Variants in ACAP3 observed in about 807,000 individuals in gnomAD.
ACAP3 encodes the protein arf-GAP with coiled-coil, ANK repeat and PH domain-containing protein 3.
In ACAP3, 56 loss-of-function variants were observed where a neutral mutation model predicts 104.1. That is an observed-to-expected ratio of 0.54 (90% CI 0.43 to 0.67). The LOEUF is 0.67. Ranked by LOEUF, ACAP3 falls within the 30% of genes least tolerant of loss-of-function variation. The pLI is 0.00. For missense variants in ACAP3, 1,208 were observed against 1,174.9 expected (o/e 1.03, Z -0.41); for synonymous variants, 628 against 496.2 (o/e 1.27, Z -3.53).
intron 4 of ACAP3, 55 bp from the exon 5 acceptor site, chr1:1,302,101 T>G: frequency 7.2e-7 from 1 of 1,393,094 alleles, no homozygotes; most frequent in South Asian, 1.7e-5. Flanking sequence ...GAGCCCCAGA[T>G]GGAAGGCCCC....
chr1:1,302,076 G>C (rs1404110071), intron 4 of ACAP3, 30 bp from the exon 5 acceptor site: 2 of 1,478,838 alleles, frequency 1.4e-6, no homozygotes, highest in Non-Finnish European at 1.8e-6. Flanking sequence ...GAGATCCTTG[G>C]GGTCTGTCCC....
chr1:1,304,408 C>CG (rs1641593067), intron 1 of ACAP3: 1 of 569,730 alleles, frequency 1.8e-6, no homozygotes, highest in African/African-American at 1.9e-5. Flanking sequence ...CCAGGACAGC[C>CG]GGCCGCTGGG....
chr1:1,299,223 GGAGCC>G, intron 10 of ACAP3, 117 bp downstream of exon 10: 1 of 1,293,984 alleles, frequency 7.7e-7, no homozygotes, highest in South Asian at 1.3e-5. Flanking sequence ...ATCAGCAGCA[GGAGCC>G]GAGACTGGTG....
intron 18 of ACAP3, 42 bp from the exon 19 acceptor site, chr1:1,295,596 G>T: frequency 6.3e-7 from 1 of 1,595,544 alleles, no homozygotes; most frequent in South Asian, 1.1e-5. Context: ...ACAGGCCCGG[G>T]GTGGGGCAGG....
In ACAP3 at chr1:1,302,034, G is replaced by A; in HGVS notation, c.292C>T (p.Gln98Ter). 1 of 1,559,524 alleles carries A rather than the reference G, an allele frequency of 6.4e-7. No individual in the cohort carries two copies. The highest frequency in any genetic ancestry group is 8.7e-7 in the Non-Finnish European group (1 of 1,149,548). Residue 98 changes from glutamine (Q) to a stop codon, truncating the protein, a stop_gained, in exon 5 of 24, where the codon CAG becomes TAG. Coordinates refer to ENST00000354700, the MANE Select transcript of ACAP3 (RefSeq NM_030649.3). LOFTEE classifies it high-confidence loss of function. ...VVNYHMILFDQAQRSVRQQLQ... is the reference protein window; with the variant it reads ...VVNYHMILFD ...TGCTGCCGCACGGACCTCTGGGCCT[G>A]GTCAAACAGGATCTGGGGGCAGAGG...
At position 1,298,611 on chromosome 1, in the gene ACAP3, G is replaced by A. The variant is rs200117980; in HGVS notation, c.819C>T (p.Gly273=). 4.3e-6 allele frequency: 7 copies of A among 1,611,744 alleles called. No individual in the cohort carries two copies. The highest frequency in any genetic ancestry group is 1.3e-5 in the African/African-American group (1 of 74,760). Reference sequence around the variant, plus strand: ...CGTTGCTGGCCCTCTTGAAGAGGTAGCCCTCCATCACCACCCCACTGGGCG... The same window carrying A: ...CGTTGCTGGCCCTCTTGAAGAGGTAACCCTCCATCACCACCCCACTGGGCG... ...VDAPSGVVME[G]YLFKRASNAF... is the part of the protein sequence containing the mutation. Residue 273 remains glycine, a synonymous_variant, in exon 11 of 24, where the codon GGC becomes GGT. Transcript: ENST00000354700.
Position 1,297,844 on chromosome 1 carries a change from C to T in ACAP3, c.1106G>A (p.Ser369Asn), listed in dbSNP as rs1253783336. Reference protein sequence around the residue: ...QASIASAYRESPDSCYSERLD... With the variant: ...QASIASAYRENPDSCYSERLD... ...CACCTCGCTATAGCAACTGTCAGGGCTCTCGCGGTAGGCGGAGGCGATGCT... is the reference window on the plus strand; with the variant it reads ...CACCTCGCTATAGCAACTGTCAGGGTTCTCGCGGTAGGCGGAGGCGATGCT... Residue 369 changes from serine to asparagine, a missense_variant, in exon 14 of 24, where the codon AGC (serine) becomes AAC (asparagine). Transcript: ENST00000354700. 7 of 1,611,738 alleles carry T rather than the reference C, an allele frequency of 4.3e-6. No homozygotes were observed. Among genetic ancestry groups the T allele is most frequent in the South Asian group, 1.1e-5 (1 of 91,046 alleles).
Position 1,303,843 on chromosome 1 carries a change from G to A in ACAP3, c.105+243C>T, listed in dbSNP as rs1317831015. 11 of 587,084 alleles carry A rather than the reference G, an allele frequency of 1.9e-5. No individual in the cohort carries two copies. The highest frequency in any genetic ancestry group is 9.4e-5 in the African/African-American group (5 of 53,104). The allele number at this position is 587,084 out of a possible 1,614,324, so 36.4% of individuals were successfully genotyped here. A position where few individuals can be genotyped will look rare whatever the true frequency, so the allele number is the denominator to read the frequency against. On this transcript the variant is annotated intron_variant, in intron 2 of 23. Transcript: ENST00000354700. The surrounding 1 kb of genome is among the most constrained non-coding windows in gnomAD (Gnocchi z 4.0). Reference sequence around the variant, plus strand: ...AGGGGACGGGCAGCCACCGTGGGTCGGGGACTCACCACAGCCCAGCCCCTC... The same window carrying A: ...AGGGGACGGGCAGCCACCGTGGGTCAGGGACTCACCACAGCCCAGCCCCTC...
chr1:1,303,395 T>G lies in ACAP3; in HGVS notation c.106-114A>C. The G allele has an allele frequency of 8.2e-7, 1 of 1,225,974 alleles. No individual in the cohort carries two copies. Among genetic ancestry groups the G allele is most frequent in the Non-Finnish European group, 1.1e-6 (1 of 945,418 alleles). 75.9% of individuals were successfully genotyped at this position (1,225,974 alleles called of 1,614,324 possible). Reference sequence around the variant, plus strand: ...CCAGGGTAGGTTCCACTCAGGGCGTTGGCACTCAGGACTCAGTGCCCCGGT... The same window carrying G: ...CCAGGGTAGGTTCCACTCAGGGCGTGGGCACTCAGGACTCAGTGCCCCGGT... On this transcript the variant is annotated intron_variant, in intron 2 of 23. Coordinates refer to ENST00000354700, the MANE Select transcript of ACAP3 (RefSeq NM_030649.3). The surrounding 1 kb of genome is among the most constrained non-coding windows in gnomAD (Gnocchi z 4.0).
At chr1:1,305,026 C>T (rs1459658219) in intron 1 of ACAP3, 1 of 152,346 alleles carries the variant, frequency 6.6e-6, no homozygotes, top group Non-Finnish European at 1.5e-5. Context: ...GGCAGGGGTC[C>T]AGGAGCAGAG....
intron 19 of ACAP3, 62 bp from the exon 20 acceptor site, chr1:1,294,878 G>A (rs1050115812): frequency 2.0e-6 from 3 of 1,514,136 alleles, no homozygotes; most frequent in Non-Finnish European, 8.9e-7. Flanking sequence ...CCAGAGCCCT[G>A]GGGCAAGGCT....
chr1:1,307,329 C>T, intron 1 of ACAP3: 1 of 1,289,392 alleles, frequency 7.8e-7, no homozygotes, highest in Non-Finnish European at 1.0e-6. Context: ...CGTTTCCAAG[C>T]ACCCTACCCC....
At chr1:1,304,170 G>A (rs1379278434) in intron 1 of ACAP3, 27 bp from the exon 2 acceptor site, 2 of 1,550,216 alleles carry the variant, frequency 1.3e-6, no homozygotes, top group Non-Finnish European at 1.7e-6. Context: ...GCTGGCTGGG[G>A]TCACCTGCAG....
chr1:1,302,798 C>CT (rs113653541), intron 4 of ACAP3, 124 bp downstream of exon 4: 1 of 276,550 alleles, frequency 3.6e-6, no homozygotes, highest in Non-Finnish European at 7.0e-6. Context: ...GTGGGATTCC[C>CT]CCCCCCCCCG....
chr1:1,297,007 G>A (rs559879851), intron 14 of ACAP3, among the ~76,000 whole-genome samples: 2 of 152,378 alleles, frequency 1.3e-5, no homozygotes, highest in East Asian at 1.9e-4. Flanking sequence ...CACTGCACAA[G>A]CCAGCATGCC....
At position 1,296,645 on chromosome 1, in the gene ACAP3, G is replaced by A. The variant is rs1641172639; in HGVS notation, c.1129-12C>T. 7 of 1,529,448 alleles carry A rather than the reference G, an allele frequency of 4.6e-6. No homozygotes were observed. Among genetic ancestry groups the A allele is most frequent in the African/African-American group, 1.4e-5 (1 of 72,822 alleles). The allele number at this position is 1,529,448 out of a possible 1,614,324, so 94.7% of individuals were successfully genotyped here. On this transcript the variant is annotated splice_polypyrimidine_tract_variant and intron_variant, in intron 14 of 23. Transcript: ENST00000354700. ...GTGCGGTCCAGCCTCTGGAGGATGG[G>A]GTGGAGCTGCTCGGTCCCGCAGGGG...
intron 17 of ACAP3, 38 bp from the exon 18 acceptor site, chr1:1,295,976 T>G (rs779346218): frequency 1.2e-6 from 2 of 1,612,716 alleles, no homozygotes; most frequent in South Asian, 2.2e-5. Context: ...GCCCCCAGGC[T>G]GGGGCTCCCT....
In ACAP3 at chr1:1,296,546, G is replaced by A. The variant is rs1257080145; in HGVS notation, c.1216C>T (p.Leu406=). The A allele has an allele frequency of 6.5e-7, 1 of 1,539,686 alleles. No homozygotes were observed. Among genetic ancestry groups the A allele is most frequent in the South Asian group, 1.2e-5 (1 of 84,062 alleles). The part of the protein sequence containing the change: ...RERGVKGESV[L]QRVQSVAGNS... ...CCGGCCACACTCTGCACACGCTGCA[G>A]CACACTCTCGCCCTTCACGCCACGC... Residue 406 remains leucine (L), a synonymous_variant, in exon 15 of 24, where the codon CTG becomes TTG. Coordinates refer to ENST00000354700, the MANE Select transcript of ACAP3 (RefSeq NM_030649.3).
At position 1,298,587 on chromosome 1, in the gene ACAP3, G is replaced by A. The variant is rs141861939; in HGVS notation, c.843C>T (p.Asn281=). 7.4e-4 allele frequency: 1,195 copies of A among 1,607,058 alleles called. 9 individuals are homozygous for A. The African/African-American group carries it at 0.012, about 17-fold the overall frequency. ...MEGYLFKRAS[N]AFKTWNRRWF... ...CTCACCGGTTCCATGTCTTGAAAGC[G>A]TTGCTGGCCCTCTTGAAGAGGTAGC... Residue 281 remains asparagine, a synonymous_variant, in exon 11 of 24, where the codon AAC becomes AAT. Coordinates refer to ENST00000354700, the MANE Select transcript of ACAP3 (RefSeq NM_030649.3).
Sources: gnomAD v4.1 joint callset for allele counts (sites outside exome capture counted in the v4.1 genomes callset) on GRCh38, gnomAD v4.1.1 for gene constraint, Gnocchi (gnomAD v3.1) non-coding constraint, MANE v1.5 for transcripts, NCBI Gene and HGNC (gene_info 2026-07-23, HGNC 2026-07-21) for gene names.